Variants in PDE1A observed in about 807,000 individuals in gnomAD.
The protein encoded by PDE1A is dual specificity calcium/calmodulin-dependent 3',5'-cyclic nucleotide phosphodiesterase 1A.
PDE1A carries 35 observed loss-of-function variants against 61.7 expected under a neutral mutation model. The observed-to-expected ratio is 0.57, with a 90% confidence interval of 0.43 to 0.75. The LOEUF is 0.75. Ranked by LOEUF, PDE1A falls within the 30% of genes least tolerant of loss-of-function variation. The pLI is 0.00. For synonymous variants in PDE1A, 232 were observed against 213.2 expected (o/e 1.09, Z -0.77); for missense variants, 597 against 630.6 (o/e 0.95, Z 0.57).
intron 2 of PDE1A, among the ~76,000 whole-genome samples, chr2:182,458,470 A>T (rs978811670): frequency 6.6e-6 from 1 of 152,114 alleles, no homozygotes; most frequent in African/African-American, 2.4e-5. Context: ...GTCAGGTACA[A>T]TAAGAACTGT....
At chr2:182,637,333 C>T in the PDE1A span, among the ~76,000 whole-genome samples, 1 of 152,048 alleles carries the variant, frequency 6.6e-6, no homozygotes, top group Non-Finnish European at 1.5e-5. Context: ...ACTGAAAATC[C>T]CACAGCAATC....
At chr2:182,212,749 C>G (rs939000461) in intron 7 of PDE1A, among the ~76,000 whole-genome samples, 5 of 152,224 alleles carry the variant, frequency 3.3e-5, no homozygotes, top group Non-Finnish European at 7.3e-5. Context: ...TATCCCGCAC[C>G]TGGCTCGGAG....
In PDE1A at chr2:182,201,670, A is replaced by C. The variant is rs751660031; in HGVS notation, c.1004+18T>G. On this transcript the variant is annotated intron_variant, in intron 9 of 13. Transcript: ENST00000351439. Reference sequence around the variant, plus strand: ...CATGACAAAAAAAAAAAAACAACAAAAAAAACACAAAACCTACCCTTCAGG... The same window carrying C: ...CATGACAAAAAAAAAAAAACAACAACAAAAACACAAAACCTACCCTTCAGG... 2.9e-5 allele frequency: 44 copies of C among 1,522,204 alleles called. No individual in the cohort carries two copies. Among genetic ancestry groups the C allele is most frequent in the Middle Eastern group, 1.7e-4 (1 of 5,780 alleles). The allele number at this position is 1,522,204 out of a possible 1,614,324, so 94.3% of individuals were successfully genotyped here.
chr2:182,539,880 A>G, the PDE1A span, among the ~76,000 whole-genome samples: 1 of 152,226 alleles, frequency 6.6e-6, no homozygotes, highest in African/African-American at 2.4e-5. Flanking sequence ...AGCTATGCTC[A>G]GGAAGTCATT....
chr2:182,257,884 T>C (rs928929848), intron 2 of PDE1A, among the ~76,000 whole-genome samples: 1 of 152,088 alleles, frequency 6.6e-6, no homozygotes, highest in African/African-American at 2.4e-5. Context: ...AAAGCATCTA[T>C]CAGCTGGGCG....
the PDE1A span, among the ~76,000 whole-genome samples, chr2:182,704,483 C>T: frequency 2.6e-5 from 4 of 152,156 alleles, no homozygotes; most frequent in South Asian, 2.1e-4. Context: ...TCTAAATATA[C>T]GATTCTTGGG....
the PDE1A span, among the ~76,000 whole-genome samples, chr2:182,569,371 C>T: frequency 6.6e-6 from 1 of 151,924 alleles, no homozygotes; most frequent in Non-Finnish European, 1.5e-5. Context: ...AAATTCTCTA[C>T]TCTAGCTAAA....
intron 13 of PDE1A, among the ~76,000 whole-genome samples, chr2:182,156,921 A>G (rs1430554551): frequency 6.6e-6 from 1 of 151,904 alleles, no homozygotes; most frequent in African/African-American, 2.4e-5. Flanking sequence ...TGCTTAAAAA[A>G]TCAAAAGATG....
At chr2:182,533,781 T>A in the PDE1A span, among the ~76,000 whole-genome samples, 8 of 152,080 alleles carry the variant, frequency 5.3e-5, no homozygotes, top group Non-Finnish European at 1.0e-4. Flanking sequence ...AAGTTTAATG[T>A]TGATAGATCA....
intron 2 of PDE1A, among the ~76,000 whole-genome samples, chr2:182,511,723 G>A (rs940496572): frequency 2.0e-5 from 3 of 152,098 alleles, no homozygotes; most frequent in African/African-American, 4.8e-5. Context: ...TGATCTGGGA[G>A]CCCCCCTGTT....
the PDE1A span, among the ~76,000 whole-genome samples, chr2:182,560,062 TTC>T: frequency 7.4e-6 from 1 of 135,496 alleles, no homozygotes; most frequent in East Asian, 2.3e-4. Context: ...GAGATAGGGA[TTC>T]TTTTTTTTTT....
At chr2:182,624,442 A>G in the PDE1A span, among the ~76,000 whole-genome samples, 1 of 152,202 alleles carries the variant, frequency 6.6e-6, no homozygotes, top group South Asian at 2.1e-4. Context: ...CTAGATCCTA[A>G]GAGGAATGTA....
intron 2 of PDE1A, among the ~76,000 whole-genome samples, chr2:182,513,409 T>C (rs1689933626): frequency 6.6e-6 from 1 of 152,218 alleles, no homozygotes; most frequent in Non-Finnish European, 1.5e-5. Flanking sequence ...TAAGGGAATT[T>C]GTTACCACCA....
chr2:182,576,903 T>C, the PDE1A span, among the ~76,000 whole-genome samples: 1 of 152,190 alleles, frequency 6.6e-6, no homozygotes, highest in Non-Finnish European at 1.5e-5. Flanking sequence ...AAAATGTCTC[T>C]TCAAGTTTTT....
the PDE1A span, among the ~76,000 whole-genome samples, chr2:182,698,981 A>G: frequency 1.3e-5 from 2 of 152,212 alleles, no homozygotes; most frequent in East Asian, 1.9e-4. Flanking sequence ...ACACTTGGCA[A>G]TATTTGTCAA....
intron 1 of PDE1A, among the ~76,000 whole-genome samples, chr2:182,294,113 T>C (rs1173788039): frequency 6.6e-6 from 1 of 152,202 alleles, no homozygotes; most frequent in African/African-American, 2.4e-5. Context: ...CAAATCAGGA[T>C]GGCACACAAT....
chr2:182,342,426 G>A (rs998086743), intron 1 of PDE1A, among the ~76,000 whole-genome samples: 1 of 152,230 alleles, frequency 6.6e-6, no homozygotes, highest in Non-Finnish European at 1.5e-5. Flanking sequence ...GCTCACGCCT[G>A]TAATCCCAGC....
chr2:182,437,425 C>T (rs1392831934), intron 2 of PDE1A, among the ~76,000 whole-genome samples: 1 of 151,892 alleles, frequency 6.6e-6, no homozygotes, highest in African/African-American at 2.4e-5. Context: ...TTCACCTTCA[C>T]TGAAAAGGCT....
At chr2:182,499,950 G>A (rs1688990777) in intron 2 of PDE1A, among the ~76,000 whole-genome samples, 4 of 152,154 alleles carry the variant, frequency 2.6e-5, no homozygotes, top group Admixed American at 6.5e-5. Flanking sequence ...CAGCTTTAGC[G>A]AGTCCCAGTT....
Sources: gnomAD v4.1 joint callset for allele counts (sites outside exome capture counted in the v4.1 genomes callset) on GRCh38, gnomAD v4.1.1 for gene constraint, MANE v1.5 for transcripts, NCBI Gene and HGNC (gene_info 2026-07-23, HGNC 2026-07-21) for gene names.